KLF8: variants seen among roughly 807,000 people sequenced by gnomAD.
The protein encoded by KLF8 is Krueppel-like factor 8.
Under a neutral mutation model 18.2 loss-of-function variants are expected in KLF8, and 10 were observed. That is an observed-to-expected ratio of 0.55 (90% CI 0.34 to 0.93). The LOEUF is 0.93. KLF8 is among the 40% of genes least tolerant of loss of function. The pLI is 0.02. For missense variants in KLF8, 264 were observed against 277.9 expected, an observed-to-expected ratio of 0.95 and a Z score of 0.36; for synonymous variants, 109 against 97.3, an observed-to-expected ratio of 1.12 and a Z score of -0.71.
chrX:56,059,768 A>T, the KLF8 span, among the ~76,000 whole-genome samples: 3 of 111,737 alleles, frequency 2.7e-5, no homozygotes, highest in African/African-American at 9.8e-5. Context: ...CTTGTAGTAT[A>T]GTTGAAGTCA....
At chrX:56,267,628 T>C (rs1033715838) in intron 3 of KLF8, 10 of 110,844 alleles carry the variant, frequency 9.0e-5, no homozygotes, top group African/African-American at 3.0e-4. Flanking sequence ...TATAAAACAA[T>C]TGGAGTGCAA....
At chrX:56,058,159 C>CATATATATATATATATATACACACAT in the KLF8 span, among the ~76,000 whole-genome samples, 42 of 79,768 alleles carry the variant, frequency 5.3e-4, 1 homozygote, top group African/African-American at 1.9e-3. Flanking sequence ...CAGTGTTGGG[C>CATATATATATATATATATACACACAT]ATATATATAT....
chrX:55,963,004 A>G, the KLF8 span, among the ~76,000 whole-genome samples: 16 of 112,487 alleles, frequency 1.4e-4, no homozygotes, highest in African/African-American at 4.5e-4. Flanking sequence ...GTATGCTGAC[A>G]TTACAGCAAG....
At chrX:55,975,742 G>T in the KLF8 span, among the ~76,000 whole-genome samples, 1 of 111,635 alleles carries the variant, frequency 9.0e-6, no homozygotes, top group Non-Finnish European at 1.9e-5. Flanking sequence ...GTCCTCATTT[G>T]TATAATAGGC....
chrX:55,961,712 G>A, the KLF8 span: 1 of 387,073 alleles, frequency 2.6e-6, no homozygotes, highest in Non-Finnish European at 4.9e-6. Context: ...CAGGGATGCT[G>A]GCATGCAGCT....
chrX:56,031,682 T>C, the KLF8 span, among the ~76,000 whole-genome samples: 3 of 111,618 alleles, frequency 2.7e-5, no homozygotes, highest in Non-Finnish European at 5.7e-5. Flanking sequence ...CGGCTGTCCA[T>C]CAGTCACCTC....
At chrX:56,199,076 T>TTC in the KLF8 span, among the ~76,000 whole-genome samples, 2 of 111,868 alleles carry the variant, frequency 1.8e-5, no homozygotes. Flanking sequence ...TTACAGCTTA[T>TTC]AAAGAATTAA....
chrX:56,034,748 C>CT, the KLF8 span, among the ~76,000 whole-genome samples: 27,098 of 53,312 alleles, frequency 0.51, 7,574 homozygotes, highest in Non-Finnish European at 0.65. Context: ...GAACTTATTT[C>CT]TTTTTTTTTT....
the KLF8 span, chrX:55,962,406 GC>G: frequency 4.3e-6 from 1 of 234,313 alleles, no homozygotes; most frequent in Non-Finnish European, 8.1e-6. Flanking sequence ...GTAGAAGATG[GC>G]CACATCTCTG....
At chrX:56,164,583 T>C in the KLF8 span, among the ~76,000 whole-genome samples, 1 of 102,902 alleles carries the variant, frequency 9.7e-6, no homozygotes, top group African/African-American at 3.5e-5. Context: ...TTTCCAGTTT[T>C]TTTTTTTATC....
the KLF8 span, among the ~76,000 whole-genome samples, chrX:55,988,715 G>T: frequency 9.0e-6 from 1 of 111,642 alleles, no homozygotes; most frequent in African/African-American, 3.3e-5. Context: ...GAACTTTAAA[G>T]TAGTTTTTTC....
rs2067306417 is a variant in KLF8 at position 56,289,985 on chromosome X, T to C, written c.*5491T>C. 8.9e-6 allele frequency among the ~76,000 whole-genome samples: 1 copy of C among 111,766 alleles called. No individual in the cohort carries two copies. The highest frequency in any genetic ancestry group is 3.7e-4 in the South Asian group (1 of 2,679). ...TAAATAAGCCAAGGGAACTTACTGA[T>C]GCTCCACAGTTTGCTAATTCTTGTA... On this transcript the variant is annotated 3_prime_UTR_variant, in exon 6 of 6. Transcript: ENST00000468660.
upstream of KLF8, among the ~76,000 whole-genome samples, chrX:56,227,793 C>T (rs2066378930): frequency 9.1e-6 from 1 of 109,371 alleles, no homozygotes; most frequent in South Asian, 4.0e-4. Context: ...TTCCCTCTTC[C>T]CTCCTCCAAT....
the KLF8 span, among the ~76,000 whole-genome samples, chrX:55,921,069 A>G: frequency 2.7e-5 from 3 of 112,495 alleles, no homozygotes; most frequent in African/African-American, 9.7e-5. Context: ...AGAAAAAGTA[A>G]CTATAATCAG....
the KLF8 span, among the ~76,000 whole-genome samples, chrX:55,953,858 A>G: frequency 9.0e-6 from 1 of 110,669 alleles, no homozygotes; most frequent in Admixed American, 9.7e-5. Context: ...ACATAAATGT[A>G]AATGTTGTTA....
chrX:55,924,637 T>A, the KLF8 span, among the ~76,000 whole-genome samples: 1 of 110,869 alleles, frequency 9.0e-6, no homozygotes, highest in East Asian at 2.8e-4. Flanking sequence ...ATAGAGCATC[T>A]ACTTAATGCC....
At chrX:56,253,895 G>A (rs2066752237) in intron 2 of KLF8, among the ~76,000 whole-genome samples, 1 of 104,503 alleles carries the variant, frequency 9.6e-6, no homozygotes, top group Non-Finnish European at 1.9e-5. Flanking sequence ...CAAGTAGCAG[G>A]GACTATGGGC....
At chrX:55,994,374 C>G in the KLF8 span, among the ~76,000 whole-genome samples, 2 of 109,611 alleles carry the variant, frequency 1.8e-5, no homozygotes, top group African/African-American at 6.6e-5. Flanking sequence ...AAAAAAACAA[C>G]TTTTCATTTT....
chrX:56,010,123 A>G, the KLF8 span, among the ~76,000 whole-genome samples: 1 of 111,433 alleles, frequency 9.0e-6, no homozygotes, highest in Non-Finnish European at 1.9e-5. Context: ...TCAGTAAGAT[A>G]TTCCATGAGA....
Sources: allele counts gnomAD v4.1 joint callset (sites outside exome capture counted in the v4.1 genomes callset), GRCh38; gene constraint gnomAD v4.1.1; transcripts MANE v1.5; gene names NCBI Gene and HGNC (gene_info 2026-07-23, HGNC 2026-07-21).